The following AKAP8 variants were observed in gnomAD, a reference collection of about 807,000 sequenced individuals.
AKAP8 encodes the protein A-kinase anchor protein 8.
A neutral mutation model predicts 67.5 loss-of-function variants in AKAP8; 24 were observed. The ratio of observed to expected loss-of-function variants is 0.36; its 90% CI spans 0.26 to 0.50. The LOEUF is 0.50. Ranked by LOEUF, AKAP8 falls within the 20% of genes least tolerant of loss-of-function variation. AKAP8 has a pLI of 0.97. For synonymous variants in AKAP8, 400 were observed against 371.1 expected (o/e 1.08, Z -0.90); for missense variants, 971 against 955.9 (o/e 1.02, Z -0.21).
chr19:15,372,030 C>A, intron 6 of AKAP8, 32 bp from the exon 7 acceptor site: 2 of 1,613,684 alleles, frequency 1.2e-6, no homozygotes, highest in Non-Finnish European at 1.7e-6. Flanking sequence ...AAAGTCAGTC[C>A]CCGGAGAACG....
At position 15,355,048 on chromosome 19, in the gene AKAP8, G is replaced by A; in HGVS notation, c.1946C>T (p.Ala649Val). 1 of 1,614,098 alleles carries A rather than the reference G, an allele frequency of 6.2e-7. No individual in the cohort carries two copies. Among genetic ancestry groups the A allele is most frequent in the Non-Finnish European group, 8.5e-7 (1 of 1,180,038 alleles). ...VPKARSEAAEAGNGAETMAAE... is the reference protein window; with the variant it reads ...VPKARSEAAEVGNGAETMAAE... The stretch of plus-strand genomic sequence containing the variant: ...TGCCATTGTCTCGGCGCCATTTCCA[G>A]CCTCTGCAGCCTCACTTCTGGCCTT... The change falls in exon 14 of 14, where the codon GCT becomes GTT. Residue 649 changes from alanine (A) to valine (V), a missense_variant. Coordinates refer to ENST00000269701, the MANE Select transcript of AKAP8 (RefSeq NM_005858.4).
chr19:15,361,950 G>T, intron 10 of AKAP8, 128 bp from the exon 11 acceptor site: 2 of 1,338,042 alleles, frequency 1.5e-6, no homozygotes, highest in Non-Finnish European at 2.1e-6. Flanking sequence ...GATGGCTGGA[G>T]CTCCCGGTTG....
At chr19:15,379,052 G>A (rs1967314894) in intron 1 of AKAP8, 1 of 152,630 alleles carries the variant, frequency 6.6e-6, no homozygotes, top group African/African-American at 2.4e-5. Context: ...AGCACGCGCC[G>A]GGTACAGAGC....
intron 3 of AKAP8, 147 bp downstream of exon 3, chr19:15,374,456 T>G: frequency 7.3e-6 from 7 of 958,810 alleles, no homozygotes; most frequent in Non-Finnish European, 1.1e-5. Flanking sequence ...AGTCCCCCCA[T>G]ATACACAACA....
Position 15,373,942 on chromosome 19 carries a change from G to A in AKAP8, c.215C>T (p.Ala72Val). The A allele has an allele frequency of 6.2e-7, 1 of 1,613,692 alleles. No individual in the cohort carries two copies. ...GTAAGAGGCCATGTGCATGGCAGGG[G>A]CCCCGGCCGCCAGGCCGCCATCATT... ...KANDGGLAAG[A>V]PAMHMASYGP... Residue 72 changes from alanine to valine, a missense_variant, in exon 4 of 14, where the codon GCC becomes GTC. Physicochemically the swap from Ala to Val is moderately conservative, Grantham distance 64. Coordinates refer to ENST00000269701, the MANE Select transcript of AKAP8 (RefSeq NM_005858.4).
chr19:15,357,186 C>G (rs892221093), intron 13 of AKAP8, among the ~76,000 whole-genome samples: 4 of 151,626 alleles, frequency 2.6e-5, no homozygotes, highest in Admixed American at 6.6e-5. Flanking sequence ...GTCTTGAACT[C>G]CTGACCTCGT....
chr19:15,370,031 C>T lies in AKAP8; in HGVS notation c.1072+115G>A, dbSNP rs568309228. The stretch of plus-strand genomic sequence containing the variant: ...CCATCTGGTGGCTGCAGCCCCTCTT[C>T]CCCCACAGCCACGGGCCCCTCCATC... On this transcript the variant is annotated intron_variant, in intron 8 of 13. Transcript: ENST00000269701. 8 of 1,304,986 alleles carry T rather than the reference C, an allele frequency of 6.1e-6. No individual in the cohort carries two copies. In the East Asian group the frequency reaches 1.2e-4, roughly 19 times the overall value. The allele number at this position is 1,304,986 out of a possible 1,614,324, so 80.8% of individuals were successfully genotyped here. A position where few individuals can be genotyped will look rare whatever the true frequency, so the allele number is the denominator to read the frequency against.
At position 15,360,947 on chromosome 19, in the gene AKAP8, G is replaced by A. The variant is rs201828341; in HGVS notation, c.1428C>T (p.Ile476=). The A allele has an allele frequency of 6.2e-6, 10 of 1,613,412 alleles. No individual in the cohort carries two copies. Among genetic ancestry groups the A allele is most frequent in the Admixed American group, 3.3e-5 (2 of 59,972 alleles). ...GIGQEHFFKK[I]EAAHCLACDM... Reference sequence around the variant, plus strand: ...CGCAGGCCAGGCAGTGAGCAGCCTCGATCTTCTTGAAGAAGTGCTCCTGGC... The same window carrying A: ...CGCAGGCCAGGCAGTGAGCAGCCTCAATCTTCTTGAAGAAGTGCTCCTGGC... Residue 476 remains isoleucine (I), a synonymous_variant, in exon 12 of 14, where the codon ATC becomes ATT. Transcript: ENST00000269701.
At position 15,369,241 on chromosome 19, in the gene AKAP8, T is replaced by G; in HGVS notation, c.1072+905A>C. On this transcript the variant is annotated intron_variant, in intron 8 of 13. Coordinates refer to ENST00000269701, the MANE Select transcript of AKAP8 (RefSeq NM_005858.4). The surrounding 1 kb of genome is among the most constrained non-coding windows in gnomAD (Gnocchi z 4.6). The stretch of plus-strand genomic sequence containing the variant: ...TAGCAGGACCTGCGCGCAACAGACA[T>G]GTCACCTTTGCTTTAGCATTGTGCC... 1.2e-5 allele frequency: 12 copies of G among 985,486 alleles called. No individual in the cohort carries two copies. The highest frequency in any genetic ancestry group is 1.3e-5 in the Non-Finnish European group (11 of 829,956). 61.0% of individuals were successfully genotyped at this position (985,486 alleles called of 1,614,324 possible).
chr19:15,354,912 G>A lies in AKAP8; in HGVS notation c.*3C>T. 1.2e-6 allele frequency: 2 copies of A among 1,612,878 alleles called. No individual in the cohort carries two copies. Among genetic ancestry groups the A allele is most frequent in the Non-Finnish European group, 1.7e-6 (2 of 1,179,188 alleles). ...CGCCTTCCCTGGAACAGGGAAATGA[G>A]CATCATTCTGTGGGAACAGCGTCTT... On this transcript the variant is annotated 3_prime_UTR_variant, in exon 14 of 14. Coordinates refer to ENST00000269701, the MANE Select transcript of AKAP8 (RefSeq NM_005858.4).
intron 2 of AKAP8, among the ~76,000 whole-genome samples, chr19:15,376,266 T>G (rs1967251196): frequency 6.6e-6 from 1 of 152,080 alleles, no homozygotes; most frequent in South Asian, 2.1e-4. Context: ...CTCACGCCTG[T>G]AATCCCAGCA....
intron 4 of AKAP8, 192 bp downstream of exon 4, chr19:15,373,594 C>A: frequency 3.2e-6 from 3 of 930,816 alleles, no homozygotes; most frequent in Non-Finnish European, 4.7e-6. Context: ...ACAACCACGC[C>A]CAAGCCCCGC....
At position 15,372,130 on chromosome 19, in the gene AKAP8, T is replaced by G. The variant is rs915665155; in HGVS notation, c.991+88A>C. 7.5e-6 allele frequency: 12 copies of G among 1,608,400 alleles called. No individual in the cohort carries two copies. The South Asian group carries it at 1.3e-4, about 18-fold the overall frequency. ...GGTTGAAACATGCCACCTGCGAGTG[T>G]CCACGACACAGATGGGGCAAGCAGA... is the stretch of plus-strand genomic sequence containing the variant. On this transcript the variant is annotated intron_variant, in intron 6 of 13. Coordinates refer to ENST00000269701, the MANE Select transcript of AKAP8 (RefSeq NM_005858.4).
rs147487490 is a variant in AKAP8, at chr19:15,355,362, G to A, written c.1632C>T (p.Asp544=). ...GATCAACAGTTTCACTGGTGAAAGG[G>A]TCCTCACCCTGGCCAAAGAGGAAAC... ...KMLEKYLKGE[D]PFTSETVDPE... is the part of the protein sequence containing the mutation. The change falls in exon 14 of 14, where the codon GAC becomes GAT. Residue 544 remains aspartate, a synonymous_variant. Transcript: ENST00000269701. 620 of 1,611,808 alleles carry A rather than the reference G, an allele frequency of 3.8e-4. 2 individuals are homozygous for A. The highest frequency in any genetic ancestry group is 1.4e-3 in the Admixed American group (81 of 59,920).
At chr19:15,366,277 A>AAAG (rs1216756739) in intron 9 of AKAP8, among the ~76,000 whole-genome samples, 1 of 151,868 alleles carries the variant, frequency 6.6e-6, no homozygotes, top group African/African-American at 2.4e-5. Context: ...AGCAACAGAG[A>AAAG]AAGACCCCTA....
At chr19:15,376,826 A>C in intron 2 of AKAP8, 150 bp downstream of exon 2, 1 of 860,806 alleles carries the variant, frequency 1.2e-6, no homozygotes, top group Non-Finnish European at 1.8e-6. Flanking sequence ...GAGCCCATAA[A>C]GCCACAAAGA....
rs575423290 is a variant in AKAP8, at chr19:15,371,870, C to T, written c.1038+82G>A. ...GTAGTCAAATCTACCATGGCAGCTG[C>T]TCCTGCCCCTTTGTGAGGAAGGGTG... On this transcript the variant is annotated intron_variant, in intron 7 of 13. Transcript: ENST00000269701. The T allele has an allele frequency of 5.4e-5, 79 of 1,474,674 alleles. 3 individuals are homozygous for T. In the East Asian group the frequency reaches 1.8e-3, roughly 33 times the overall value. 91.3% of individuals were successfully genotyped at this position (1,474,674 alleles called of 1,614,324 possible). A position where few individuals can be genotyped will look rare whatever the true frequency, so the allele number is the denominator to read the frequency against.
Position 15,354,935 on chromosome 19 carries a change from C to CTAA in AKAP8, c.2058_2059insTTA (p.Lys686_Asp687insLeu). The CTAA allele has an allele frequency of 1.2e-6, 2 of 1,614,126 alleles. No homozygotes were observed. The highest frequency in any genetic ancestry group is 2.2e-5 in the South Asian group (2 of 91,088). Reference sequence around the variant, plus strand: ...GAGCATCATTCTGTGGGAACAGCGTCTTTAGACTCTGCATCAGTTTGTTCC... The same window carrying CTAA: ...GAGCATCATTCTGTGGGAACAGCGTCTAATTTAGACTCTGCATCAGTTTGTTCC... On this transcript the variant is annotated inframe_insertion, in exon 14 of 14. Transcript: ENST00000269701.
Position 15,373,352 on chromosome 19 carries a change from G to A in AKAP8, c.372-12C>T. Reference sequence around the variant, plus strand: ...GGAAGCGGAAGGAGCTGCAACAGAAGCACAGCCCATCAGGGGCGGTCACCC... The same window carrying A: ...GGAAGCGGAAGGAGCTGCAACAGAAACACAGCCCATCAGGGGCGGTCACCC... On this transcript the variant is annotated splice_polypyrimidine_tract_variant and intron_variant, in intron 4 of 13. Coordinates refer to ENST00000269701, the MANE Select transcript of AKAP8 (RefSeq NM_005858.4). 1.3e-6 allele frequency: 2 copies of A among 1,596,738 alleles called. No individual in the cohort carries two copies. Among genetic ancestry groups the A allele is most frequent in the Admixed American group, 1.7e-5 (1 of 58,740 alleles).
Sources: allele counts gnomAD v4.1 joint callset (sites outside exome capture counted in the v4.1 genomes callset), GRCh38; gene constraint gnomAD v4.1.1; non-coding constraint Gnocchi (gnomAD v3.1); transcripts MANE v1.5; gene names NCBI Gene and HGNC (gene_info 2026-07-23, HGNC 2026-07-21).